Variants in SAMD13 observed in about 807,000 individuals in gnomAD.
The protein encoded by SAMD13 is sterile alpha motif domain containing 13, also known as sterile alpha motif domain-containing protein 13.
In SAMD13, 9 loss-of-function variants were observed where a neutral mutation model predicts 12.4. That is an observed-to-expected ratio of 0.72 (90% CI 0.44 to 1.26). The LOEUF (loss-of-function observed/expected upper bound fraction) is 1.26, where lower values mean the gene tolerates loss of function less well. SAMD13 is among the 50% of genes most tolerant of loss of function. The pLI, the probability that SAMD13 is intolerant of heterozygous loss-of-function variation, is 0.00. For missense variants in SAMD13, 84 were observed against 119.6 expected, an observed-to-expected ratio of 0.70 and a Z score of 1.39; for synonymous variants, 46 against 45.4, an observed-to-expected ratio of 1.01 and a Z score of -0.05.
At chr1:84,345,544 G>A (rs540641239) in intron 3 of SAMD13, among the ~76,000 whole-genome samples, 1 of 152,288 alleles carries the variant, frequency 6.6e-6, no homozygotes, top group South Asian at 2.1e-4. Flanking sequence ...GGACAGTAGA[G>A]GCCACCACCA....
chr1:84,307,266 A>G (rs902886811), intron 2 of SAMD13, among the ~76,000 whole-genome samples: 2 of 152,138 alleles, frequency 1.3e-5, no homozygotes, highest in Non-Finnish European at 2.9e-5. Context: ...GATAGCTTCT[A>G]TTGCTTTGCA....
chr1:84,301,889 T>G, intron 1 of SAMD13, 88 bp downstream of exon 1: 1 of 512,872 alleles, frequency 1.9e-6, no homozygotes, highest in Non-Finnish European at 2.5e-6. Flanking sequence ...AGTATCATTG[T>G]GAGTGTTTTG....
At chr1:84,299,671 A>ATATG (rs1558432064), upstream of SAMD13, 1 of 952,296 alleles carries the variant, frequency 1.1e-6, no homozygotes, top group South Asian at 4.0e-5. Context: ...ATATATATAT[A>ATATG]TATATTTATT....
intron 3 of SAMD13, among the ~76,000 whole-genome samples, chr1:84,335,093 G>A (rs145684825): frequency 1.8e-4 from 28 of 152,084 alleles, no homozygotes; most frequent in African/African-American, 5.5e-4. Context: ...TTCAAGTCCC[G>A]AATATCTTAG....
At chr1:84,323,590 C>T (rs1678995033) in intron 2 of SAMD13, among the ~76,000 whole-genome samples, 1 of 152,108 alleles carries the variant, frequency 6.6e-6, no homozygotes, top group South Asian at 2.1e-4. Flanking sequence ...CTCCCTTTAA[C>T]TAGTACAGAA....
At chr1:84,305,003 G>A (rs939702407) in intron 2 of SAMD13, among the ~76,000 whole-genome samples, 2 of 152,048 alleles carry the variant, frequency 1.3e-5, no homozygotes, top group Non-Finnish European at 2.9e-5. Context: ...GTCTCTGTGT[G>A]GACATATGCT....
At chr1:84,299,615 T>A, upstream of SAMD13, 7 of 1,519,264 alleles carry the variant, frequency 4.6e-6, no homozygotes, top group Non-Finnish European at 6.2e-6. Flanking sequence ...AGCAGAGGAT[T>A]GATGGCAAAC....
chr1:84,299,689 T>A, upstream of SAMD13: 1 of 923,562 alleles, frequency 1.1e-6, no homozygotes, highest in Non-Finnish European at 1.4e-6. Context: ...ATTTATTTAT[T>A]TATTTATATT....
chr1:84,330,269 T>C (rs1189803293), intron 3 of SAMD13, among the ~76,000 whole-genome samples: 1 of 152,184 alleles, frequency 6.6e-6, no homozygotes, highest in Non-Finnish European at 1.5e-5. Flanking sequence ...AGTCAAAATA[T>C]GTAATCTTAA....
chr1:84,309,991 T>C (rs1472536599), intron 2 of SAMD13, among the ~76,000 whole-genome samples: 1 of 152,194 alleles, frequency 6.6e-6, no homozygotes, highest in Non-Finnish European at 1.5e-5. Context: ...GTATTTTTTC[T>C]AGTGTTAAAC....
At chr1:84,317,597 C>A (rs1334626443) in intron 2 of SAMD13, among the ~76,000 whole-genome samples, 1 of 151,940 alleles carries the variant, frequency 6.6e-6, no homozygotes, top group Non-Finnish European at 1.5e-5. Context: ...ATTCGGTTTG[C>A]TGGTATTTTG....
At chr1:84,341,554 G>T (rs1679425231) in intron 3 of SAMD13, among the ~76,000 whole-genome samples, 1 of 152,102 alleles carries the variant, frequency 6.6e-6, no homozygotes, top group Non-Finnish European at 1.5e-5. Flanking sequence ...CATCCTGGAT[G>T]GGGGGTTTGT....
chr1:84,331,328 T>TTA (rs1198255303), intron 3 of SAMD13, among the ~76,000 whole-genome samples: 8 of 15,180 alleles, frequency 5.3e-4, no homozygotes, highest in African/African-American at 1.7e-3. Flanking sequence ...CCCTCCTTGG[T>TTA]AAAAAAAAAA....
Sources: gnomAD v4.1 joint callset for allele counts (sites outside exome capture counted in the v4.1 genomes callset) on GRCh38, gnomAD v4.1.1 for gene constraint, MANE v1.5 for transcripts, NCBI Gene and HGNC (gene_info 2026-07-23, HGNC 2026-07-21) for gene names.